PLEKHA8: variants seen among roughly 807,000 people sequenced by gnomAD.
The protein encoded by PLEKHA8 is pleckstrin homology domain containing A8.
A neutral mutation model predicts 68.2 loss-of-function variants in PLEKHA8; 36 were observed. That is an observed-to-expected ratio of 0.53 (90% CI 0.40 to 0.70). The LOEUF is 0.70. Among genes scored for constraint, PLEKHA8 ranks in the 30% least tolerant of loss-of-function variants. The pLI is 0.00. For missense variants in PLEKHA8, 505 were observed against 615.4 expected, an observed-to-expected ratio of 0.82 and a Z score of 1.90; for synonymous variants, 211 against 216.1, an observed-to-expected ratio of 0.98 and a Z score of 0.20.
intron 1 of PLEKHA8, among the ~76,000 whole-genome samples, chr7:30,043,128 C>T (rs971551771): frequency 2.0e-5 from 3 of 152,170 alleles, no homozygotes; most frequent in African/African-American, 7.2e-5. Flanking sequence ...CAACCTCCTG[C>T]TGGGACCACA....
intron 13 of PLEKHA8, among the ~76,000 whole-genome samples, chr7:30,097,734 T>G (rs924551723): frequency 6.6e-6 from 1 of 152,208 alleles, no homozygotes; most frequent in African/African-American, 2.4e-5. Flanking sequence ...TTGTCTAATT[T>G]TTTTGCAAGG....
chr7:30,072,466 A>G (rs890084822), intron 12 of PLEKHA8, among the ~76,000 whole-genome samples: 2 of 152,278 alleles, frequency 1.3e-5, no homozygotes, highest in Non-Finnish European at 2.9e-5. Flanking sequence ...CTAGAATGAC[A>G]TAATTTCAAA....
In PLEKHA8 at chr7:30,078,829, T is replaced by C; in HGVS notation, c.*42T>C. ...CCTCCTAACTTCAGGGAATAAGTGC[T>C]AAAGTGTTTTGTTGCCCTACTTAAT... On this transcript the variant is annotated 3_prime_UTR_variant, in exon 14 of 14. Transcript: ENST00000449726. The C allele has an allele frequency of 6.3e-7, 1 of 1,591,068 alleles. No homozygotes were observed. The highest frequency in any genetic ancestry group is 8.6e-7 in the Non-Finnish European group (1 of 1,167,792).
Position 30,080,169 on chromosome 7 carries a change from C to CT in PLEKHA8, c.*1384dup. 1.0e-6 allele frequency: 1 copy of CT among 985,084 alleles called. No homozygotes were observed. Among genetic ancestry groups the CT allele is most frequent in the Non-Finnish European group, 1.2e-6 (1 of 829,682 alleles). The allele number at this position is 985,084 out of a possible 1,614,324, so 61.0% of individuals were successfully genotyped here. On this transcript the variant is annotated 3_prime_UTR_variant, in exon 14 of 14. Coordinates refer to ENST00000449726, the MANE Select transcript of PLEKHA8 (RefSeq NM_001197026.2). ...ACAGTGTCATAGTTGAAAGATGAGA[C>CT]TTAAGAAAACAGTTTCTTAAACTTC...
intron 9 of PLEKHA8, among the ~76,000 whole-genome samples, chr7:30,056,029 GC>G (rs1344615596): frequency 1.4e-5 from 2 of 146,504 alleles, no homozygotes; most frequent in African/African-American, 5.0e-5. Flanking sequence ...TGCAAGCTCC[GC>G]CCCCCAGGTT....
intron 12 of PLEKHA8, among the ~76,000 whole-genome samples, chr7:30,070,479 T>C (rs779813546): frequency 2.0e-5 from 3 of 152,034 alleles, no homozygotes; most frequent in Admixed American, 6.6e-5. Context: ...TTTTGAACGG[T>C]TAACTTGAAT....
chr7:30,104,106 A>G (rs372293585), intron 13 of PLEKHA8, among the ~76,000 whole-genome samples: 74 of 152,374 alleles, frequency 4.9e-4, no homozygotes, highest in African/African-American at 1.3e-3. Context: ...AAAGGGTTCA[A>G]TATCATTAGT....
chr7:30,071,324 T>C (rs1441793482), intron 12 of PLEKHA8, among the ~76,000 whole-genome samples: 1 of 152,178 alleles, frequency 6.6e-6, no homozygotes, highest in Non-Finnish European at 1.5e-5. Flanking sequence ...TGAATTTTGC[T>C]CACCATCGCC....
intron 13 of PLEKHA8, chr7:30,118,010 C>G (rs1324686229): frequency 6.5e-7 from 1 of 1,529,746 alleles, no homozygotes; most frequent in Non-Finnish European, 8.7e-7. Flanking sequence ...AGGGCTGTCA[C>G]TCAGAATCAG....
chr7:30,113,438 C>G (rs1267167510), intron 13 of PLEKHA8, among the ~76,000 whole-genome samples: 1 of 152,134 alleles, frequency 6.6e-6, no homozygotes, highest in South Asian at 2.1e-4. Context: ...GTGCTGTCAA[C>G]TTATTTTTTG....
At chr7:30,117,070 G>A (rs1405829541) in intron 13 of PLEKHA8, among the ~76,000 whole-genome samples, 3 of 152,158 alleles carry the variant, frequency 2.0e-5, no homozygotes, top group Non-Finnish European at 2.9e-5. Flanking sequence ...CCCAGTTGAC[G>A]TAATGACTGT....
chr7:30,104,180 C>T (rs1459888702), intron 13 of PLEKHA8, among the ~76,000 whole-genome samples: 4 of 152,114 alleles, frequency 2.6e-5, no homozygotes, highest in Non-Finnish European at 4.4e-5. Context: ...GTTTGGTGAA[C>T]ATTAAAAGAA....
At position 30,074,064 on chromosome 7, in the gene PLEKHA8, T is replaced by G. The variant is rs776126164; in HGVS notation, c.1301-7T>G. 6.2e-7 allele frequency: 1 copy of G among 1,610,430 alleles called. No individual in the cohort carries two copies. Among genetic ancestry groups the G allele is most frequent in the East Asian group, 2.2e-5 (1 of 44,850 alleles). ...GTGTTCCTCATGGAGTTTTTCTTCT[T>G]TTCAAGATAATGCATATGGTAAAAC... is the stretch of plus-strand genomic sequence containing the variant. On this transcript the variant is annotated splice_polypyrimidine_tract_variant and splice_region_variant and intron_variant, in intron 12 of 13. Coordinates refer to ENST00000449726, the MANE Select transcript of PLEKHA8 (RefSeq NM_001197026.2).
At chr7:30,113,929 CT>C (rs1796349518) in intron 13 of PLEKHA8, among the ~76,000 whole-genome samples, 1 of 145,484 alleles carries the variant, frequency 6.9e-6, no homozygotes, top group African/African-American at 2.6e-5. Flanking sequence ...GAGACAGAGT[CT>C]CACCAATGCC....
Position 30,082,495 on chromosome 7 carries a change from C to G in PLEKHA8, c.*3708C>G. On this transcript the variant is annotated 3_prime_UTR_variant, in exon 14 of 14. Transcript: ENST00000449726. ...AAGGAGCCCATATTCCCATTTGTAG[C>G]TGGAAAGCGGGTGAATGACATGACA... 2 of 985,346 alleles carry G rather than the reference C, an allele frequency of 2.0e-6. No individual in the cohort carries two copies. Among genetic ancestry groups the G allele is most frequent in the Non-Finnish European group, 2.4e-6 (2 of 829,934 alleles). 61.0% of individuals were successfully genotyped at this position (985,346 alleles called of 1,614,324 possible). A position where few individuals can be genotyped will look rare whatever the true frequency, so the allele number is the denominator to read the frequency against.
chr7:30,041,257 T>A (rs1176004260), intron 1 of PLEKHA8, among the ~76,000 whole-genome samples: 1 of 152,192 alleles, frequency 6.6e-6, no homozygotes, highest in African/African-American at 2.4e-5. Flanking sequence ...TTTGTGCTTA[T>A]AAGAAAAGTT....
chr7:30,080,111 A>G lies in PLEKHA8; in HGVS notation c.*1324A>G, dbSNP rs2127999674. On this transcript the variant is annotated 3_prime_UTR_variant, in exon 14 of 14. Transcript: ENST00000449726. Reference sequence around the variant, plus strand: ...TCACCAAAAGTGCAGAGCAGGCAAAATGCAGCTGTTTATCAATCTCAAAAG... The same window carrying G: ...TCACCAAAAGTGCAGAGCAGGCAAAGTGCAGCTGTTTATCAATCTCAAAAG... 1 of 985,386 alleles carries G rather than the reference A, an allele frequency of 1.0e-6. No individual in the cohort carries two copies. The highest frequency in any genetic ancestry group is 1.2e-6 in the Non-Finnish European group (1 of 829,914). 61.0% of individuals were successfully genotyped at this position (985,386 alleles called of 1,614,324 possible).
intron 13 of PLEKHA8, among the ~76,000 whole-genome samples, chr7:30,111,644 G>C (rs181873192): frequency 5.0e-4 from 75 of 150,520 alleles, no homozygotes; most frequent in Middle Eastern, 6.8e-3. Flanking sequence ...TTTTGAGACA[G>C]GGTCTCGTTC....
intron 5 of PLEKHA8, among the ~76,000 whole-genome samples, chr7:30,049,831 C>A (rs142362174): frequency 3.0e-4 from 45 of 152,286 alleles, no homozygotes; most frequent in African/African-American, 1.0e-3. Flanking sequence ...CTAGCTTGAA[C>A]ATATTCATTG....
Sources: allele counts gnomAD v4.1 joint callset (sites outside exome capture counted in the v4.1 genomes callset), GRCh38; gene constraint gnomAD v4.1.1; transcripts MANE v1.5; gene names NCBI Gene and HGNC (gene_info 2026-07-23, HGNC 2026-07-21).